ICA1: variants seen among roughly 807,000 people sequenced by gnomAD.
ICA1 encodes 69 kDa islet cell autoantigen.
In ICA1, 40 loss-of-function variants were observed where a neutral mutation model predicts 71.0. The ratio of observed to expected loss-of-function variants is 0.56; its 90% confidence interval spans 0.44 to 0.73. The LOEUF (loss-of-function observed/expected upper bound fraction) is 0.73, where lower values mean the gene tolerates loss of function less well. ICA1 is among the 30% of genes least tolerant of loss of function. The pLI is 0.00. For missense variants in ICA1, 578 were observed against 576.5 expected, an observed-to-expected ratio of 1.00 and a Z score of -0.03; for synonymous variants, 207 against 209.5, an observed-to-expected ratio of 0.99 and a Z score of 0.10.
At chr7:8,202,988 A>G (rs1718092559) in intron 6 of ICA1, among the ~76,000 whole-genome samples, 1 of 152,226 alleles carries the variant, frequency 6.6e-6, no homozygotes, top group African/African-American at 2.4e-5. Flanking sequence ...TGTGATTAAC[A>G]TGGGTACATT....
chr7:8,163,901 G>A (rs555484443), intron 6 of ICA1, among the ~76,000 whole-genome samples: 2 of 152,242 alleles, frequency 1.3e-5, no homozygotes, highest in Admixed American at 1.3e-4. Flanking sequence ...TCCTGGAATA[G>A]CAGAAAAACA....
chr7:8,204,348 T>C (rs1790779826), intron 6 of ICA1, among the ~76,000 whole-genome samples: 2 of 152,238 alleles, frequency 1.3e-5, no homozygotes, highest in Admixed American at 1.3e-4. Context: ...CACGTATGGC[T>C]ATGGGCAAGT....
intron 6 of ICA1, among the ~76,000 whole-genome samples, chr7:8,188,391 G>A (rs2128289990): frequency 1.3e-5 from 2 of 152,176 alleles, no homozygotes; most frequent in South Asian, 4.1e-4. Context: ...CCTCAAAACT[G>A]CTCTTCCATG....
chr7:8,193,663 C>G (rs1230143747), intron 6 of ICA1, among the ~76,000 whole-genome samples: 1 of 152,074 alleles, frequency 6.6e-6, no homozygotes, highest in Non-Finnish European at 1.5e-5. Context: ...TCTGCCATTG[C>G]GTGATATCAT....
chr7:8,162,532 ATCAAGAGTCTAATT>A (rs1234878591), intron 6 of ICA1, among the ~76,000 whole-genome samples: 1 of 152,210 alleles, frequency 6.6e-6, no homozygotes, highest in Non-Finnish European at 1.5e-5. Context: ...ATAGGCCACT[ATCAAGAGTCTAATT>A]TCATATGCCT....
At position 8,130,836 on chromosome 7, in the gene ICA1, A is replaced by C. The variant is rs891713463; in HGVS notation, c.1061-2694T>G. Among the ~76,000 whole-genome samples, 1 of 152,222 alleles carries C rather than the reference A, an allele frequency of 6.6e-6. No individual in the cohort carries two copies. The highest frequency in any genetic ancestry group is 1.5e-5 in the Non-Finnish European group (1 of 68,032). On this transcript the variant is annotated intron_variant, in intron 12 of 13. Transcript: ENST00000402384. This position sits in a 1 kb window ranked among gnomAD's most constrained non-coding sequence, Gnocchi z 4.2. ...AGCTCCATCTTTGTTTTTATTGTTT[A>C]GGTTTTGTGCTATGGTGTTTATAAT...
chr7:8,232,197 A>T lies in ICA1; in HGVS notation c.183+393T>A, dbSNP rs950404120. Among the ~76,000 whole-genome samples the T allele has an allele frequency of 3.9e-5, 6 of 152,182 alleles. No homozygotes were observed. The South Asian group carries it at 6.2e-4, about 16-fold the overall frequency. On this transcript the variant is annotated intron_variant, in intron 3 of 13. Coordinates refer to ENST00000402384, the MANE Select transcript of ICA1 (RefSeq NM_001136020.3). ...TTTTCCAGGGTCCAATACAAAACTT[A>T]TTAGACTCTACTTTCCACGACGTTT...
chr7:8,133,192 G>A (rs796371463), intron 12 of ICA1, among the ~76,000 whole-genome samples: 13 of 152,272 alleles, frequency 8.5e-5, no homozygotes, highest in African/African-American at 3.1e-4. Flanking sequence ...GATGCCCTAA[G>A]CCGCCTTAGG....
chr7:8,235,666 G>A (rs1801633508), intron 2 of ICA1, among the ~76,000 whole-genome samples: 1 of 152,174 alleles, frequency 6.6e-6, no homozygotes, highest in Non-Finnish European at 1.5e-5. Context: ...AGGTTCCCAA[G>A]AGAAAAGTTA....
intron 6 of ICA1, among the ~76,000 whole-genome samples, chr7:8,211,523 T>C (rs1173685591): frequency 2.5e-5 from 2 of 78,644 alleles, no homozygotes; most frequent in African/African-American, 1.1e-4. Context: ...CATAGTGCTC[T>C]GTAGGAGTGG....
intron 6 of ICA1, among the ~76,000 whole-genome samples, chr7:8,197,943 G>A (rs891966638): frequency 9.2e-5 from 14 of 152,162 alleles, no homozygotes; most frequent in Admixed American, 2.0e-4. Context: ...GGAATCAACC[G>A]AAAATATATG....
rs765301268 is a variant in ICA1 at position 8,113,893 on chromosome 7, C to G, written c.*30G>C. The G allele has an allele frequency of 3.1e-6, 5 of 1,613,646 alleles. No individual in the cohort carries two copies. The highest frequency in any genetic ancestry group is 1.6e-4 in the Middle Eastern group (1 of 6,062). ...CCCCCAGGGGAGCTGCTGGGGGCGG[C>G]ATGTGAGTGCCCTCCCGAAGGGTAC... On this transcript the variant is annotated 3_prime_UTR_variant, in exon 14 of 14. Transcript: ENST00000402384. The surrounding 1 kb of genome is among the most constrained non-coding windows in gnomAD (Gnocchi z 4.2).
rs56773343 is a variant in ICA1, at chr7:8,197,574, AAATAATAATAATAATAAT to A, written c.579+20713_579+20730del. Among the ~76,000 whole-genome samples the A allele has an allele frequency of 8.5e-5, 11 of 129,628 alleles. No homozygotes were observed. In the South Asian group the frequency reaches 1.3e-3, roughly 15 times the overall value. 85.0% of individuals were successfully genotyped at this position (129,628 alleles called of 152,430 possible). ...AAAAAAAAAAAAAAGAAGAAAGAAGAAATAATAATAATAATAATAATAATAATAATAATAATAATAATG... is the reference window on the plus strand; with the variant it reads ...AAAAAAAAAAAAAAGAAGAAAGAAGAAATAATAATAATAATAATAATAATG... On this transcript the variant is annotated intron_variant, in intron 6 of 13. Transcript: ENST00000402384.
intron 13 of ICA1, 155 bp from the exon 14 acceptor site, chr7:8,114,199 C>A (rs1390514007): frequency 5.1e-6 from 4 of 779,566 alleles, no homozygotes; most frequent in Non-Finnish European, 8.2e-6. Context: ...GGAATTCCAA[C>A]TCCCGTGGCT....
chr7:8,168,343 C>G (rs1441051446), intron 6 of ICA1, among the ~76,000 whole-genome samples: 1 of 152,068 alleles, frequency 6.6e-6, no homozygotes, highest in Non-Finnish European at 1.5e-5. Flanking sequence ...CAGATACCAC[C>G]TATTACATGC....
chr7:8,168,622 A>C (rs981008047), intron 6 of ICA1, among the ~76,000 whole-genome samples: 6 of 152,156 alleles, frequency 3.9e-5, no homozygotes, highest in African/African-American at 1.4e-4. Context: ...GGCATAGGGA[A>C]ACTTCAAGCC....
intron 4 of ICA1, among the ~76,000 whole-genome samples, chr7:8,228,021 CATTAT>C (rs1268228146): frequency 2.0e-5 from 3 of 149,232 alleles, no homozygotes; most frequent in Non-Finnish European, 4.4e-5. Flanking sequence ...AAAATATATA[CATTAT>C]ATTATTAAAA....
intron 6 of ICA1, among the ~76,000 whole-genome samples, chr7:8,159,993 T>A (rs1279567233): frequency 6.6e-6 from 1 of 152,128 alleles, no homozygotes; most frequent in East Asian, 1.9e-4. Flanking sequence ...TATTAATAAT[T>A]CTTTCATCAT....
intron 6 of ICA1, among the ~76,000 whole-genome samples, chr7:8,190,553 G>T (rs1277599872): frequency 1.3e-5 from 2 of 152,188 alleles, no homozygotes; most frequent in Non-Finnish European, 2.9e-5. Context: ...CCCCCTGCAG[G>T]ATTCTAACAC....
Sources: gnomAD v4.1 joint callset for allele counts (sites outside exome capture counted in the v4.1 genomes callset) on GRCh38, gnomAD v4.1.1 for gene constraint, Gnocchi (gnomAD v3.1) non-coding constraint, MANE v1.5 for transcripts, NCBI Gene and HGNC (gene_info 2026-07-23, HGNC 2026-07-21) for gene names.